The following FHOD3 variants were observed in gnomAD, a reference collection of about 807,000 sequenced individuals.
FHOD3 encodes the protein FH1/FH2 domain-containing protein 3.
In FHOD3, 90 loss-of-function variants were observed where a neutral mutation model predicts 173.0. That is an observed-to-expected ratio of 0.52 (90% CI 0.44 to 0.62). The LOEUF (loss-of-function observed/expected upper bound fraction) is 0.62. Among genes scored for constraint, FHOD3 ranks in the 20% least tolerant of loss-of-function variants. The pLI is 0.00. For missense variants in FHOD3, 1,945 were observed against 2,034.7 expected, an observed-to-expected ratio of 0.96 and a Z score of 0.85; for synonymous variants, 828 against 823.0, an observed-to-expected ratio of 1.01 and a Z score of -0.10.
chr18:36,481,929 C>T (rs747454894), intron 3 of FHOD3, among the ~76,000 whole-genome samples: 1 of 152,042 alleles, frequency 6.6e-6, no homozygotes, highest in Admixed American at 6.5e-5. Context: ...CAACTCCGAA[C>T]AGTGATGTAA....
intron 9 of FHOD3, among the ~76,000 whole-genome samples, chr18:36,623,943 T>C (rs1162557850): frequency 6.6e-6 from 1 of 152,204 alleles, no homozygotes; most frequent in African/African-American, 2.4e-5. Context: ...ATAGCTAGGT[T>C]TTCTGCACAT....
chr18:36,597,542 T>C (rs2030652345), intron 7 of FHOD3, among the ~76,000 whole-genome samples: 1 of 152,162 alleles, frequency 6.6e-6, no homozygotes, highest in African/African-American at 2.4e-5. Context: ...TTCTCCTGCC[T>C]CAGCCTCCCG....
chr18:36,466,488 C>A (rs1342679092), intron 3 of FHOD3, among the ~76,000 whole-genome samples: 1 of 152,080 alleles, frequency 6.6e-6, no homozygotes, highest in Admixed American at 6.5e-5. Context: ...AATCATAAAT[C>A]AATAATACAT....
intron 5 of FHOD3, among the ~76,000 whole-genome samples, chr18:36,541,456 C>G (rs62082356): frequency 0.26 from 39,859 of 151,762 alleles, 5,744 homozygotes; most frequent in Middle Eastern, 0.38. Context: ...ACTCAGGAGG[C>G]TGAGGCACCA....
intron 8 of FHOD3, among the ~76,000 whole-genome samples, chr18:36,610,391 C>G (rs1444258596): frequency 6.6e-6 from 1 of 152,214 alleles, no homozygotes; most frequent in Non-Finnish European, 1.5e-5. Context: ...GAAGGCAGCC[C>G]TGATGACCGT....
intron 19 of FHOD3, among the ~76,000 whole-genome samples, chr18:36,725,917 C>T (rs1031628869): frequency 2.0e-5 from 3 of 152,036 alleles, no homozygotes; most frequent in African/African-American, 7.2e-5. Context: ...ATTCTAGGGC[C>T]AGTGCTATAT....
chr18:36,628,275 G>A (rs574385539), intron 10 of FHOD3, among the ~76,000 whole-genome samples: 12 of 152,212 alleles, frequency 7.9e-5, no homozygotes, highest in Middle Eastern at 6.8e-3. Context: ...AGGACTAAGG[G>A]CTATGACCAA....
At chr18:36,555,614 A>G (rs2057848325) in intron 5 of FHOD3, among the ~76,000 whole-genome samples, 1 of 152,066 alleles carries the variant, frequency 6.6e-6, no homozygotes, top group South Asian at 2.1e-4. Context: ...ATCTATATAG[A>G]TTACTGTGAG....
At chr18:36,463,365 AT>A (rs2052683656) in intron 3 of FHOD3, among the ~76,000 whole-genome samples, 2 of 214 alleles carry the variant, frequency 9.3e-3, no homozygotes, top group South Asian at 0.083. Context: ...ATTTAAAAAA[AT>A]AATATATATT....
At chr18:36,383,365 C>T (rs150210103) in intron 3 of FHOD3, among the ~76,000 whole-genome samples, 3 of 152,136 alleles carry the variant, frequency 2.0e-5, no homozygotes, top group Admixed American at 2.0e-4. Flanking sequence ...TATGTTCAGG[C>T]CCCACTGGCT....
At position 36,564,480 on chromosome 18, in the gene FHOD3, A is replaced by G. The variant is rs563664558; in HGVS notation, c.512-11971A>G. Among the ~76,000 whole-genome samples, 31 of 152,258 alleles carry G rather than the reference A, an allele frequency of 2.0e-4. No homozygotes were observed. The South Asian group carries it at 6.2e-3, about 31-fold the overall frequency. ...TGCTACAGCCCAGCAGTAATGAAGC[A>G]CCTGTTTCTGTACAGGTGGCTGATG... On this transcript the variant is annotated intron_variant, in intron 5 of 28. Transcript: ENST00000590592.
intron 9 of FHOD3, among the ~76,000 whole-genome samples, chr18:36,620,519 T>G (rs1599906488): frequency 6.6e-6 from 1 of 152,232 alleles, no homozygotes. Context: ...ATGTGCGACC[T>G]GTTTCCCTTT....
At chr18:36,330,728 C>A (rs910401062) in intron 1 of FHOD3, among the ~76,000 whole-genome samples, 1 of 152,166 alleles carries the variant, frequency 6.6e-6, no homozygotes, top group Admixed American at 6.5e-5. Flanking sequence ...TGCTGTGCAG[C>A]CTGCTGTTTA....
Position 36,730,811 on chromosome 18 carries a change from G to A in FHOD3, c.3576+7G>A. 6.2e-7 allele frequency: 1 copy of A among 1,613,204 alleles called. No homozygotes were observed. ...AAACAAAGAAGGAATCGAGGTGAGG[G>A]AAGCTCTATTAAGCATTATTTGTAT... On this transcript the variant is annotated splice_region_variant and intron_variant, in intron 20 of 28. Coordinates refer to ENST00000590592, the MANE Select transcript of FHOD3 (RefSeq NM_001281740.3).
At chr18:36,714,574 T>C (rs895997313) in intron 18 of FHOD3, among the ~76,000 whole-genome samples, 1 of 152,192 alleles carries the variant, frequency 6.6e-6, no homozygotes, top group Non-Finnish European at 1.5e-5. Flanking sequence ...TTATTTTCCC[T>C]GTTCCCAAAA....
chr18:36,309,884 C>T (rs1273461606), intron 1 of FHOD3, among the ~76,000 whole-genome samples: 1 of 152,208 alleles, frequency 6.6e-6, no homozygotes, highest in Admixed American at 6.5e-5. Flanking sequence ...CATAGGTTAG[C>T]CTGGCTGATC....
chr18:36,422,584 T>G (rs868848267), intron 3 of FHOD3, among the ~76,000 whole-genome samples: 1 of 152,218 alleles, frequency 6.6e-6, no homozygotes, highest in Non-Finnish European at 1.5e-5. Context: ...GGGCTTGTTC[T>G]AATTCCCTTT....
intron 15 of FHOD3, among the ~76,000 whole-genome samples, chr18:36,684,494 TA>T (rs954584015): frequency 1.2e-4 from 17 of 147,192 alleles, no homozygotes; most frequent in African/African-American, 2.0e-4. Context: ...GATGTCTCTG[TA>T]AAAAAAAAAT....
chr18:36,555,493 T>C (rs907325833), intron 5 of FHOD3, among the ~76,000 whole-genome samples: 10 of 152,122 alleles, frequency 6.6e-5, no homozygotes, highest in African/African-American at 2.4e-4. Context: ...TTGAGTAGAA[T>C]GTATATTCTG....
Sources: gnomAD v4.1 joint callset for allele counts (sites outside exome capture counted in the v4.1 genomes callset) on GRCh38, gnomAD v4.1.1 for gene constraint, MANE v1.5 for transcripts, NCBI Gene and HGNC (gene_info 2026-07-23, HGNC 2026-07-21) for gene names.